Variants in DMD observed in about 807,000 individuals in gnomAD.
DMD encodes the protein dystrophin.
Under a neutral mutation model 330.1 loss-of-function variants are expected in DMD, and 63 were observed. That is an observed-to-expected ratio of 0.19 (90% CI 0.16 to 0.24). DMD has a LOEUF of 0.24. DMD is among the 10% of genes least tolerant of loss of function. The pLI, the probability that DMD is intolerant of heterozygous loss-of-function variation, is 1.00. For synonymous variants in DMD, 1,223 were observed against 959.8 expected (o/e 1.27, Z -5.07); for missense variants, 3,344 against 2,684.1 (o/e 1.25, Z -5.43).
At chrX:31,567,044 T>C (rs148167260) in intron 55 of DMD, among the ~76,000 whole-genome samples, 1,319 of 111,354 alleles carry the variant, frequency 0.012, 8 homozygotes, top group Middle Eastern at 0.037. Context: ...GTGTTGATCT[T>C]GTATTTTTGG....
At chrX:32,423,227 C>A (rs866632894) in intron 29 of DMD, among the ~76,000 whole-genome samples, 7 of 92,405 alleles carry the variant, frequency 7.6e-5, no homozygotes, top group Middle Eastern at 5.6e-3. Context: ...CTTTATTATT[C>A]TTTTTTTTTT....
chrX:32,535,003 G>A lies in DMD; in HGVS notation c.2168+10156C>T, dbSNP rs1014845654. ...AAGAATAATATATAAATGTGGTCAT[G>A]GGAAGATACCATCCCTGAATTAATA... On this transcript the variant is annotated intron_variant, in intron 17 of 78. Transcript: ENST00000357033. 3.6e-5 allele frequency among the ~76,000 whole-genome samples: 4 copies of A among 111,404 alleles called. No individual in the cohort carries two copies. The Admixed American group carries it at 3.8e-4, about 11-fold the overall frequency.
intron 60 of DMD, among the ~76,000 whole-genome samples, chrX:31,368,255 C>T (rs905139999): frequency 8.9e-6 from 1 of 112,444 alleles, no homozygotes; most frequent in Non-Finnish European, 1.9e-5. Flanking sequence ...TGAGCTTACT[C>T]ATATCATATA....
chrX:32,451,807 T>C (rs2098331097), intron 26 of DMD, among the ~76,000 whole-genome samples: 2 of 110,718 alleles, frequency 1.8e-5, no homozygotes, highest in African/African-American at 6.6e-5. Flanking sequence ...GAAACTGTCT[T>C]GAGTAGCAGG....
intron 25 of DMD, among the ~76,000 whole-genome samples, chrX:32,460,103 C>T (rs2098377980): frequency 9.4e-6 from 1 of 106,750 alleles, no homozygotes; most frequent in African/African-American, 3.7e-5. Context: ...AAAAAAATGG[C>T]CAATTAATAT....
intron 52 of DMD, among the ~76,000 whole-genome samples, chrX:31,728,770 G>A (rs2086274430): frequency 8.9e-6 from 1 of 111,795 alleles, no homozygotes; most frequent in African/African-American, 3.3e-5. Flanking sequence ...AGGATTCTTC[G>A]GGTTGTGGGA....
intron 78 of DMD, among the ~76,000 whole-genome samples, chrX:31,125,904 T>C (rs762296932): frequency 8.9e-6 from 1 of 112,158 alleles, no homozygotes; most frequent in Admixed American, 9.4e-5. Flanking sequence ...GAAGGGTACG[T>C]TGAGATGATG....
intron 43 of DMD, among the ~76,000 whole-genome samples, chrX:32,241,329 A>T (rs754682259): frequency 8.9e-6 from 1 of 112,420 alleles, no homozygotes; most frequent in East Asian, 2.8e-4. Flanking sequence ...ATTTCAATCC[A>T]TTCATCAAGC....
intron 51 of DMD, among the ~76,000 whole-genome samples, chrX:31,763,062 T>A (rs192995662): frequency 8.9e-6 from 1 of 112,635 alleles, no homozygotes; most frequent in African/African-American, 3.2e-5. Flanking sequence ...ACCTAGTACA[T>A]CTTTAGCGGC....
intron 48 of DMD, among the ~76,000 whole-genome samples, chrX:31,871,268 A>G (rs1451554503): frequency 9.0e-6 from 1 of 111,352 alleles, no homozygotes; most frequent in Non-Finnish European, 1.9e-5. Context: ...GATTTTCAAG[A>G]TGAATATTGC....
At chrX:33,109,439 G>A (rs1004288738) in intron 1 of DMD, among the ~76,000 whole-genome samples, 37 of 111,697 alleles carry the variant, frequency 3.3e-4, no homozygotes, top group African/African-American at 1.2e-3. Flanking sequence ...TGTTTTTCTG[G>A]ATGAACTTCA....
intron 62 of DMD, among the ~76,000 whole-genome samples, chrX:31,289,282 A>AAAAAAAAAAAAAAAAAAAAAAAAAC (rs2053497375): frequency 1.2e-5 from 1 of 81,460 alleles, no homozygotes; most frequent in Non-Finnish European, 2.3e-5. Flanking sequence ...ATAAAATAAA[A>AAAAAAAAAAAAAAAAAAAAAAAAAC]TCCATCTCAA....
chrX:31,776,201 T>C (rs188621880), intron 50 of DMD, among the ~76,000 whole-genome samples: 2 of 111,247 alleles, frequency 1.8e-5, no homozygotes, highest in African/African-American at 3.3e-5. Flanking sequence ...AATATCACTG[T>C]AGGAACTAAC....
rs1052871765 is a variant in DMD, at chrX:32,391,394, G to A, written c.4234-1213C>T. On this transcript the variant is annotated intron_variant, in intron 30 of 78. Coordinates refer to ENST00000357033, the MANE Select transcript of DMD (RefSeq NM_004006.3). ...CCAGAGCGAACTATAGCCCTGAACT[G>A]AGTAATGAGAATTATACCAAGAACA... Among the ~76,000 whole-genome samples the A allele has an allele frequency of 5.7e-4, 63 of 111,356 alleles. 1 individual carries two copies. Among genetic ancestry groups the A allele is most frequent in the African/African-American group, 1.9e-3 (58 of 30,635 alleles).
intron 52 of DMD, among the ~76,000 whole-genome samples, chrX:31,718,454 C>G (rs1186140071): frequency 9.0e-6 from 1 of 110,822 alleles, no homozygotes; most frequent in Admixed American, 9.7e-5. Flanking sequence ...TGGCATCCCC[C>G]CCGCCGGCTA....
At chrX:32,571,050 T>C (rs1431688921) in intron 15 of DMD, among the ~76,000 whole-genome samples, 2 of 111,834 alleles carry the variant, frequency 1.8e-5, no homozygotes, top group African/African-American at 6.5e-5. Context: ...GGAAATGAAA[T>C]CTAATTCCCT....
intron 68 of DMD, among the ~76,000 whole-genome samples, chrX:31,182,520 G>A (rs1469972383): frequency 1.8e-5 from 2 of 111,311 alleles, no homozygotes; most frequent in African/African-American, 3.3e-5. Flanking sequence ...GAAGAGTGAA[G>A]GTGGTAAGGG....
chrX:32,985,446 T>C (rs1246806772), intron 2 of DMD, among the ~76,000 whole-genome samples: 4 of 111,756 alleles, frequency 3.6e-5, no homozygotes, highest in Non-Finnish European at 7.5e-5. Context: ...AGTTAAGAGT[T>C]TGGGATTATT....
At chrX:32,994,700 A>G (rs746575699) in intron 2 of DMD, among the ~76,000 whole-genome samples, 1 of 112,063 alleles carries the variant, frequency 8.9e-6, no homozygotes, top group African/African-American at 3.2e-5. Flanking sequence ...CATTCTGACC[A>G]CAAAACATAA....
Sources: gnomAD v4.1 joint callset for allele counts (sites outside exome capture counted in the v4.1 genomes callset) on GRCh38, gnomAD v4.1.1 for gene constraint, MANE v1.5 for transcripts, NCBI Gene and HGNC (gene_info 2026-07-23, HGNC 2026-07-21) for gene names.